CHST15: variants seen among roughly 807,000 people sequenced by gnomAD.
CHST15 encodes B cell RAG associated protein (GALNAC4S-6ST).
CHST15 carries 30 observed loss-of-function variants against 53.6 expected under a neutral mutation model. That is an observed-to-expected ratio of 0.56 (90% CI 0.42 to 0.76). The LOEUF (loss-of-function observed/expected upper bound fraction) is 0.76. CHST15 is among the 30% of genes least tolerant of loss of function. The pLI, the probability that CHST15 is intolerant of heterozygous loss-of-function variation, is 0.00. For missense variants in CHST15, 627 were observed against 740.5 expected (o/e 0.85, Z 1.78); for synonymous variants, 296 against 289.8 (o/e 1.02, Z -0.22).
chr10:124,064,353 A>G (rs1288846337), intron 1 of CHST15, among the ~76,000 whole-genome samples: 1 of 152,240 alleles, frequency 6.6e-6, no homozygotes, highest in East Asian at 1.9e-4. Context: ...CGCTTGATGC[A>G]GTCAAAGTGC....
chr10:124,039,015 T>A (rs951408654), intron 4 of CHST15, among the ~76,000 whole-genome samples: 2 of 152,118 alleles, frequency 1.3e-5, no homozygotes, highest in African/African-American at 2.4e-5. Flanking sequence ...TTAACTTTGC[T>A]CACAGTGCAC....
chr10:124,014,343 G>A (rs1027906338), intron 6 of CHST15, among the ~76,000 whole-genome samples: 10 of 152,232 alleles, frequency 6.6e-5, no homozygotes, highest in African/African-American at 2.4e-4. Context: ...ATGTACAGAT[G>A]CTAACTATTC....
intron 1 of CHST15, among the ~76,000 whole-genome samples, chr10:124,047,213 C>G (rs1260141373): frequency 2.0e-5 from 3 of 152,168 alleles, no homozygotes. Context: ...TTTTTTCCCT[C>G]TCACTGGCAT....
At chr10:124,070,545 A>AT (rs34590265) in intron 1 of CHST15, among the ~76,000 whole-genome samples, 25 of 150,342 alleles carry the variant, frequency 1.7e-4, no homozygotes, top group African/African-American at 2.9e-4. Context: ...TGCTCAGCTG[A>AT]TTTTTTTTTT....
chr10:124,010,295 C>T lies in CHST15; in HGVS notation c.1540G>A (p.Ala514Thr), dbSNP rs202236206. The T allele has an allele frequency of 2.5e-6, 4 of 1,611,562 alleles. No individual in the cohort carries two copies. The highest frequency in any genetic ancestry group is 3.4e-6 in the Non-Finnish European group (4 of 1,178,366). Reference sequence around the variant, plus strand: ...TCCTCGGGACGCCGTGCATTGGATGCGGGGCTCTTGGTCATCAAAGCCTCC... The same window carrying T: ...TCCTCGGGACGCCGTGCATTGGATGTGGGGCTCTTGGTCATCAAAGCCTCC... The part of the protein sequence containing the change: ...KQEALMTKSP[A>T]SNARRPEDRN... The change falls in exon 8 of 8, where the codon GCA (alanine) becomes ACA (threonine). Residue 514 changes from alanine to threonine, a missense_variant. This residue lies in a region of CHST15 where 279 missense variants were observed against 371.6 expected (regional missense o/e 0.75). Coordinates refer to ENST00000435907, the MANE Select transcript of CHST15 (RefSeq NM_001270764.2).
rs774580168 is a variant in CHST15, at chr10:124,038,619, G to A, written c.1086C>T (p.Tyr362=). ...MWDNNAWTFF[Y]DNSTDGEPPF... ...GTGGCTCGCCATCCGTGCTGTTGTCGTAGAAGAACGTCCAGGCATTATTAT... is the reference window on the plus strand; with the variant it reads ...GTGGCTCGCCATCCGTGCTGTTGTCATAGAAGAACGTCCAGGCATTATTAT... The change falls in exon 5 of 8, where the codon TAC becomes TAT. Residue 362 remains tyrosine, a synonymous_variant. Coordinates refer to ENST00000435907, the MANE Select transcript of CHST15 (RefSeq NM_001270764.2). The A allele has an allele frequency of 2.6e-5, 42 of 1,614,064 alleles. No individual in the cohort carries two copies. The highest frequency in any genetic ancestry group is 1.6e-4 in the Middle Eastern group (1 of 6,084).
intron 1 of CHST15, among the ~76,000 whole-genome samples, chr10:124,059,576 G>A (rs1221238722): frequency 1.3e-5 from 2 of 152,220 alleles, no homozygotes; most frequent in Admixed American, 1.3e-4. Context: ...GACAGTGGAA[G>A]ATGCCCGGCC....
intron 4 of CHST15, 103 bp downstream of exon 4, chr10:124,042,198 A>C: frequency 2.5e-6 from 3 of 1,221,036 alleles, no homozygotes. Flanking sequence ...TGCTGCCACC[A>C]TGTAAATGTT....
At position 124,019,911 on chromosome 10, in the gene CHST15, A is replaced by C; in HGVS notation, c.1347+1345T>G. 1.0e-6 allele frequency: 1 copy of C among 985,836 alleles called. No homozygotes were observed. Among genetic ancestry groups the C allele is most frequent in the Non-Finnish European group, 1.2e-6 (1 of 830,354 alleles). The allele number at this position is 985,836 out of a possible 1,614,324, so 61.1% of individuals were successfully genotyped here. A position where few individuals can be genotyped will look rare whatever the true frequency, so the allele number is the denominator to read the frequency against. ...GCGTTCTGTATGGTAGGTGGTGCTG[A>C]CCACTGGGCCTCTGCACACGCTGCT... On this transcript the variant is annotated intron_variant, in intron 6 of 7. Transcript: ENST00000435907. The surrounding 1 kb of genome is among the most constrained non-coding windows in gnomAD (Gnocchi z 4.6).
At chr10:124,014,247 G>C (rs1187906456) in intron 6 of CHST15, among the ~76,000 whole-genome samples, 3 of 152,208 alleles carry the variant, frequency 2.0e-5, no homozygotes, top group Non-Finnish European at 2.9e-5. Flanking sequence ...TCCTTGCAAA[G>C]CCTGCACTCT....
At chr10:124,062,547 G>A (rs568607340) in intron 1 of CHST15, among the ~76,000 whole-genome samples, 3 of 152,160 alleles carry the variant, frequency 2.0e-5, no homozygotes, top group South Asian at 4.1e-4. Context: ...GAGATTAGAC[G>A]GGAAAATCCC....
chr10:124,008,253 A>C lies in CHST15; in HGVS notation c.*1896T>G. ...TGACAAGTTAATTGGCAGAGAAATT[A>C]ATCTATAAAAGGGTTGTGTCCAGAG... On this transcript the variant is annotated 3_prime_UTR_variant, in exon 8 of 8. Coordinates refer to ENST00000435907, the MANE Select transcript of CHST15 (RefSeq NM_001270764.2). 1 of 1,201,472 alleles carries C rather than the reference A, an allele frequency of 8.3e-7. No homozygotes were observed. The highest frequency in any genetic ancestry group is 1.0e-6 in the Non-Finnish European group (1 of 969,556). The allele number at this position is 1,201,472 out of a possible 1,614,324, so 74.4% of individuals were successfully genotyped here. A position where few individuals can be genotyped will look rare whatever the true frequency, so the allele number is the denominator to read the frequency against.
At chr10:124,054,646 C>T (rs1948313869) in intron 1 of CHST15, among the ~76,000 whole-genome samples, 1 of 152,076 alleles carries the variant, frequency 6.6e-6, no homozygotes, top group Non-Finnish European at 1.5e-5. Flanking sequence ...CATTTCAACC[C>T]GAATCAAGTC....
intron 6 of CHST15, among the ~76,000 whole-genome samples, chr10:124,018,802 GC>G (rs1487062920): frequency 6.6e-6 from 1 of 152,146 alleles, no homozygotes; most frequent in Non-Finnish European, 1.5e-5. Context: ...AGAGAGGGAA[GC>G]TGTGCAGGTG....
At chr10:124,039,942 T>C (rs1947674434) in intron 4 of CHST15, among the ~76,000 whole-genome samples, 1 of 152,178 alleles carries the variant, frequency 6.6e-6, no homozygotes, top group East Asian at 1.9e-4. Context: ...GTGTATCATA[T>C]CCCTGCAGGC....
intron 1 of CHST15, among the ~76,000 whole-genome samples, chr10:124,052,786 AG>A (rs1948246753): frequency 6.6e-6 from 1 of 152,238 alleles, no homozygotes; most frequent in Non-Finnish European, 1.5e-5. Context: ...CTGTAATCCT[AG>A]CACTTTGGGA....
In CHST15 at chr10:124,035,620, C is replaced by T. The variant is rs139877376; in HGVS notation, c.1190+2895G>A. Among the ~76,000 whole-genome samples the T allele has an allele frequency of 4.6e-3, 659 of 143,962 alleles. 9 individuals are homozygous for T. Among genetic ancestry groups the T allele is most frequent in the African/African-American group, 0.016 (629 of 38,792 alleles). The allele number at this position is 143,962 out of a possible 152,430, so 94.4% of individuals were successfully genotyped here. A position where few individuals can be genotyped will look rare whatever the true frequency, so the allele number is the denominator to read the frequency against. On this transcript the variant is annotated intron_variant, in intron 5 of 7. Transcript: ENST00000435907. Reference sequence around the variant, plus strand: ...GGGCCCATGGTTTCATCCCCTAACACGGACCCTGGCTCCAACCCCTAACAG... The same window carrying T: ...GGGCCCATGGTTTCATCCCCTAACATGGACCCTGGCTCCAACCCCTAACAG...
At chr10:124,061,033 T>C (rs1390230247) in intron 1 of CHST15, among the ~76,000 whole-genome samples, 2 of 152,152 alleles carry the variant, frequency 1.3e-5, no homozygotes, top group Admixed American at 6.5e-5. Context: ...AATCGCCCCA[T>C]TGTGCAGATA....
intron 5 of CHST15, among the ~76,000 whole-genome samples, chr10:124,031,300 A>C (rs1182224534): frequency 6.6e-6 from 1 of 152,258 alleles, no homozygotes; most frequent in Non-Finnish European, 1.5e-5. Flanking sequence ...AGGGTGTTCA[A>C]TAAATACAGC....
Sources: allele counts gnomAD v4.1 joint callset (sites outside exome capture counted in the v4.1 genomes callset), GRCh38; gene constraint gnomAD v4.1.1; regional missense constraint gnomAD v4.1.1; non-coding constraint Gnocchi (gnomAD v3.1); transcripts MANE v1.5; gene names NCBI Gene and HGNC (gene_info 2026-07-23, HGNC 2026-07-21).